Variants in SCYL2 observed in about 807,000 individuals in gnomAD.
SCYL2 encodes SCY1-like protein 2.
In SCYL2, 36 loss-of-function variants were observed where a neutral mutation model predicts 100.4. That is an observed-to-expected ratio of 0.36 (90% confidence interval 0.27 to 0.47). The LOEUF (loss-of-function observed/expected upper bound fraction) is 0.47. Among genes scored for constraint, SCYL2 ranks in the 20% least tolerant of loss-of-function variants. SCYL2 has a pLI of 1.00. For missense variants in SCYL2, 902 were observed against 1,083.9 expected (o/e 0.83, Z 2.36); for synonymous variants, 330 against 359.2 (o/e 0.92, Z 0.92).
At chr12:100,329,727 A>C (rs1432922931) in intron 13 of SCYL2, among the ~76,000 whole-genome samples, 3 of 152,214 alleles carry the variant, frequency 2.0e-5, no homozygotes, top group African/African-American at 7.2e-5. Context: ...GCTTAGCTGG[A>C]TTCCCTGCTC....
Position 100,267,222 on chromosome 12 carries a change from C to T in SCYL2, c.-599C>T. The T allele has an allele frequency of 1.2e-6, 1 of 825,698 alleles. No individual in the cohort carries two copies. Among genetic ancestry groups the T allele is most frequent in the Non-Finnish European group, 1.8e-6 (1 of 544,196 alleles). 51.1% of individuals were successfully genotyped at this position (825,698 alleles called of 1,614,324 possible). On this transcript the variant is annotated 5_prime_UTR_variant, in exon 1 of 18. Transcript: ENST00000360820. ...ACTCTTCGTCCCCGGTCCCTCCCCT[C>T]CCCACCCCTTTCCTTCTAGCTCCGA... is the stretch of plus-strand genomic sequence containing the variant.
intron 14 of SCYL2, 116 bp from the exon 15 acceptor site, chr12:100,335,509 C>A: frequency 1.4e-6 from 1 of 705,456 alleles, no homozygotes; most frequent in Non-Finnish European, 2.3e-6. Flanking sequence ...GATGACTCTT[C>A]TTAAAGAGTT....
At chr12:100,334,093 T>C in intron 13 of SCYL2, 73 bp from the exon 14 acceptor site, 1 of 865,138 alleles carries the variant, frequency 1.2e-6, no homozygotes, top group Non-Finnish European at 1.9e-6. Flanking sequence ...ATTAATTTAC[T>C]GAATTATCTT....
intron 4 of SCYL2, among the ~76,000 whole-genome samples, chr12:100,301,039 G>A (rs772782170): frequency 6.6e-6 from 1 of 152,148 alleles, no homozygotes; most frequent in South Asian, 2.1e-4. Context: ...TGGATTGTAT[G>A]GTAGCTCAAA....
chr12:100,328,618 G>T (rs1324248069), intron 12 of SCYL2, among the ~76,000 whole-genome samples: 1 of 152,222 alleles, frequency 6.6e-6, no homozygotes, highest in African/African-American at 2.4e-5. Flanking sequence ...GAATGAGGCG[G>T]AAATGTACTC....
At chr12:100,319,715 G>T (rs1366269310) in intron 10 of SCYL2, among the ~76,000 whole-genome samples, 1 of 152,072 alleles carries the variant, frequency 6.6e-6, no homozygotes, top group Non-Finnish European at 1.5e-5. Context: ...TAGAGACGGG[G>T]TTTCACCATG....
chr12:100,315,525 A>ATT, intron 8 of SCYL2, 33 bp from the exon 9 acceptor site: 2 of 1,486,636 alleles, frequency 1.3e-6, no homozygotes. Flanking sequence ...AATAAATTTT[A>ATT]TTTTTTTTTT....
chr12:100,279,831 C>G (rs2096296209), intron 1 of SCYL2, among the ~76,000 whole-genome samples: 1 of 152,202 alleles, frequency 6.6e-6, no homozygotes, highest in South Asian at 2.1e-4. Flanking sequence ...TGGTTCTTGC[C>G]AGACCTGGTG....
chr12:100,333,840 T>C (rs1225096281), intron 13 of SCYL2: 5 of 184,224 alleles, frequency 2.7e-5, no homozygotes, highest in African/African-American at 9.5e-5. Context: ...AGAAGATCAA[T>C]ATATAACTGC....
At position 100,337,121 on chromosome 12, in the gene SCYL2, T is replaced by C. The variant is rs1456943855; in HGVS notation, c.2026-266T>C. Among the ~76,000 whole-genome samples the C allele has an allele frequency of 1.3e-5, 2 of 152,164 alleles. 1 individual carries two copies. The highest frequency in any genetic ancestry group is 2.9e-5 in the Non-Finnish European group (2 of 68,002). On this transcript the variant is annotated intron_variant, in intron 16 of 17. Transcript: ENST00000360820. ...AAATCACTAAATCTTATTGTCATTG[T>C]CTGGAAAAAAGTGATTCTAATGAAT...
At chr12:100,278,595 T>C (rs951096268) in intron 1 of SCYL2, among the ~76,000 whole-genome samples, 121 of 152,186 alleles carry the variant, frequency 8.0e-4, no homozygotes, top group African/African-American at 2.8e-3. Context: ...AGTTGTTCTT[T>C]GGCATGTGTT....
At chr12:100,329,495 T>C (rs1272515877) in intron 13 of SCYL2, among the ~76,000 whole-genome samples, 176 bp downstream of exon 13, 2 of 152,112 alleles carry the variant, frequency 1.3e-5, no homozygotes, top group Non-Finnish European at 2.9e-5. Flanking sequence ...ACGTCATTGG[T>C]AAATAGTAAA....
At chr12:100,316,037 T>C (rs893111259) in intron 9 of SCYL2, among the ~76,000 whole-genome samples, 9 of 152,232 alleles carry the variant, frequency 5.9e-5, no homozygotes, top group African/African-American at 2.2e-4. Context: ...TGTAGAAAGT[T>C]ACAGGTTTAG....
chr12:100,269,688 A>G (rs2135781254), intron 1 of SCYL2, among the ~76,000 whole-genome samples: 1 of 152,294 alleles, frequency 6.6e-6, no homozygotes, highest in South Asian at 2.1e-4. Flanking sequence ...TCTAGTAAAT[A>G]TTAGAATTGG....
chr12:100,317,060 C>T (rs747676806), intron 9 of SCYL2, among the ~76,000 whole-genome samples: 1 of 150,932 alleles, frequency 6.6e-6, no homozygotes, highest in Non-Finnish European at 1.5e-5. Context: ...CGCGCCACTG[C>T]GCTCCAGCCT....
At chr12:100,313,143 T>C (rs2096344231) in intron 6 of SCYL2, among the ~76,000 whole-genome samples, 1 of 152,132 alleles carries the variant, frequency 6.6e-6, no homozygotes, top group Non-Finnish European at 1.5e-5. Context: ...AAAATATTTT[T>C]TTCAAATAAA....
At chr12:100,319,963 G>A (rs539831388) in intron 10 of SCYL2, among the ~76,000 whole-genome samples, 1 of 152,254 alleles carries the variant, frequency 6.6e-6, no homozygotes, top group East Asian at 1.9e-4. Context: ...ATATTTAAGA[G>A]GCTACAGATG....
intron 3 of SCYL2, among the ~76,000 whole-genome samples, chr12:100,296,136 A>G (rs1273484955): frequency 6.6e-6 from 1 of 152,254 alleles, no homozygotes; most frequent in East Asian, 1.9e-4. Flanking sequence ...TTAGGAATTT[A>G]TTGGCAATCA....
chr12:100,301,276 T>G (rs1432834765), intron 4 of SCYL2, among the ~76,000 whole-genome samples: 2 of 152,246 alleles, frequency 1.3e-5, no homozygotes, highest in East Asian at 1.9e-4. Flanking sequence ...TTCTTATGCC[T>G]GTTTGCCATT....
Sources: allele counts gnomAD v4.1 joint callset (sites outside exome capture counted in the v4.1 genomes callset), GRCh38; gene constraint gnomAD v4.1.1; transcripts MANE v1.5; gene names NCBI Gene and HGNC (gene_info 2026-07-23, HGNC 2026-07-21).